The following RELN variants were observed in gnomAD, a reference collection of about 807,000 sequenced individuals.
RELN encodes the protein reelin.
In RELN, 108 loss-of-function variants were observed where a neutral mutation model predicts 427.6. The observed-to-expected ratio is 0.25, with a 90% CI of 0.22 to 0.30. RELN has a LOEUF of 0.30. RELN is among the 10% of genes least tolerant of loss of function. The pLI is 1.00. For synonymous variants in RELN, 1,524 were observed against 1,513.4 expected, an observed-to-expected ratio of 1.01 and a Z score of -0.16; for missense variants, 3,715 against 4,302.8, an observed-to-expected ratio of 0.86 and a Z score of 3.82.
intron 20 of RELN, among the ~76,000 whole-genome samples, chr7:103,618,492 A>C (rs1475645794): frequency 3.9e-5 from 6 of 152,224 alleles, no homozygotes; most frequent in Non-Finnish European, 8.8e-5. Flanking sequence ...TGGATTTCTA[A>C]GTGGATAGAC....
At chr7:103,920,831 C>T (rs2116682140) in intron 1 of RELN, among the ~76,000 whole-genome samples, 1 of 152,244 alleles carries the variant, frequency 6.6e-6, no homozygotes, top group African/African-American at 2.4e-5. Flanking sequence ...GCCTCAGCCT[C>T]CCAAAATGCT....
intron 4 of RELN, among the ~76,000 whole-genome samples, chr7:103,770,903 C>T (rs1039131717): frequency 6.8e-6 from 1 of 146,626 alleles, no homozygotes; most frequent in Non-Finnish European, 1.5e-5. Context: ...GCCAAATTGC[C>T]AATCGCTTAC....
intron 11 of RELN, among the ~76,000 whole-genome samples, chr7:103,675,050 G>A (rs183677385): frequency 6.6e-6 from 1 of 152,226 alleles, no homozygotes; most frequent in Admixed American, 6.5e-5. Flanking sequence ...AATTAGGCAG[G>A]AGAAAGAAAT....
intron 8 of RELN, among the ~76,000 whole-genome samples, chr7:103,716,943 G>A (rs573710156): frequency 1.2e-4 from 19 of 152,254 alleles, no homozygotes; most frequent in Middle Eastern, 3.4e-3. Flanking sequence ...TTCTCATCCT[G>A]TAGTTCACTG....
intron 1 of RELN, among the ~76,000 whole-genome samples, chr7:103,973,290 C>T (rs1391106361): frequency 6.6e-6 from 1 of 152,064 alleles, no homozygotes; most frequent in African/African-American, 2.4e-5. Context: ...ACCCTTTGCT[C>T]TACAGGAAAA....
intron 50 of RELN, among the ~76,000 whole-genome samples, chr7:103,512,614 T>C (rs1829454918): frequency 6.6e-6 from 1 of 152,214 alleles, no homozygotes; most frequent in Non-Finnish European, 1.5e-5. Flanking sequence ...ATCCTCTCTC[T>C]CTTTCTCTCT....
intron 10 of RELN, among the ~76,000 whole-genome samples, chr7:103,683,606 G>A (rs10265623): frequency 0.048 from 7,374 of 152,122 alleles, 482 homozygotes; most frequent in African/African-American, 0.14. Context: ...TGTGTTTTTG[G>A]TGATGTTGGT....
chr7:103,723,874 G>A (rs1486606190), intron 7 of RELN, among the ~76,000 whole-genome samples: 1 of 152,108 alleles, frequency 6.6e-6, no homozygotes, highest in African/African-American at 2.4e-5. Flanking sequence ...ATAGTCTTCT[G>A]ACAAGTTTCT....
intron 27 of RELN, among the ~76,000 whole-genome samples, chr7:103,593,203 G>A (rs1159493821): frequency 2.0e-5 from 3 of 152,160 alleles, no homozygotes; most frequent in Non-Finnish European, 4.4e-5. Context: ...TGTTATCACA[G>A]AGCTGAAAAA....
intron 2 of RELN, among the ~76,000 whole-genome samples, chr7:103,911,062 AGG>A (rs1314939803): frequency 2.8e-5 from 4 of 144,180 alleles, no homozygotes. Flanking sequence ...CAGAGTGAAC[AGG>A]CAACCTACAA....
Position 103,497,810 on chromosome 7 carries a change from T to G in RELN, c.8950+10A>C. The G allele has an allele frequency of 6.2e-7, 1 of 1,612,896 alleles. No homozygotes were observed. The highest frequency in any genetic ancestry group is 8.5e-7 in the Non-Finnish European group (1 of 1,178,880). ...TGCTCCAAGGGGTGGTTTTCACCCC[T>G]GACACATGCCTCCATCGGTAGAGTA... On this transcript the variant is annotated intron_variant, in intron 55 of 64. Transcript: ENST00000428762.
intron 20 of RELN, among the ~76,000 whole-genome samples, chr7:103,629,641 T>TTA (rs1554394219): frequency 8.0e-5 from 12 of 150,284 alleles, no homozygotes; most frequent in African/African-American, 1.2e-4. Context: ...TTTTTTTTTT[T>TTA]AAAATATGTA....
intron 61 of RELN, among the ~76,000 whole-genome samples, chr7:103,484,938 C>T (rs1828377279): frequency 6.6e-6 from 1 of 152,132 alleles, no homozygotes; most frequent in Non-Finnish European, 1.5e-5. Context: ...GGTTCTGAAC[C>T]ATGTCTGCTA....
chr7:103,763,574 C>T (rs573815745), intron 4 of RELN, among the ~76,000 whole-genome samples: 135 of 152,174 alleles, frequency 8.9e-4, no homozygotes, highest in Non-Finnish European at 1.5e-3. Context: ...TAAGGATGAG[C>T]GCAACTTCAT....
intron 10 of RELN, among the ~76,000 whole-genome samples, chr7:103,684,878 A>G (rs1833731616): frequency 6.6e-6 from 1 of 152,208 alleles, no homozygotes; most frequent in Non-Finnish European, 1.5e-5. Context: ...GAAAAATAGA[A>G]GAGCATTTCA....
chr7:103,830,743 C>A lies in RELN; in HGVS notation c.473+2794G>T, dbSNP rs527911205. Reference sequence around the variant, plus strand: ...TGGCCCATGTTCACTTTTAACTTCTCCTGTACTCTCTCACAAACTGAGCAG... The same window carrying A: ...TGGCCCATGTTCACTTTTAACTTCTACTGTACTCTCTCACAAACTGAGCAG... On this transcript the variant is annotated intron_variant, in intron 3 of 64. Coordinates refer to ENST00000428762, the MANE Select transcript of RELN (RefSeq NM_005045.4). 2.6e-5 allele frequency among the ~76,000 whole-genome samples: 4 copies of A among 152,148 alleles called. No individual in the cohort carries two copies. In the East Asian group the frequency reaches 7.7e-4, roughly 29 times the overall value.
chr7:103,567,471 A>T (rs1400436217), intron 31 of RELN, among the ~76,000 whole-genome samples: 1 of 152,204 alleles, frequency 6.6e-6, no homozygotes, highest in Non-Finnish European at 1.5e-5. Flanking sequence ...GAGGATGCAG[A>T]GAAAGCGCAA....
At chr7:103,926,710 T>A (rs1381869342) in intron 1 of RELN, among the ~76,000 whole-genome samples, 1 of 146,312 alleles carries the variant, frequency 6.8e-6, no homozygotes, top group Non-Finnish European at 1.5e-5. Context: ...AGTGGCCTGA[T>A]CTCAGCTCAC....
chr7:103,580,749 A>G (rs948920148), intron 28 of RELN, among the ~76,000 whole-genome samples: 3 of 152,138 alleles, frequency 2.0e-5, no homozygotes, highest in African/African-American at 7.2e-5. Flanking sequence ...TCTCCCTCTG[A>G]GTCCCCAAAG....
Sources: allele counts gnomAD v4.1 joint callset (sites outside exome capture counted in the v4.1 genomes callset), GRCh38; gene constraint gnomAD v4.1.1; transcripts MANE v1.5; gene names NCBI Gene and HGNC (gene_info 2026-07-23, HGNC 2026-07-21).